PPP1CC: variants seen among roughly 807,000 people sequenced by gnomAD.
PPP1CC encodes serine/threonine-protein phosphatase PP1-gamma catalytic subunit.
In PPP1CC, 16 loss-of-function variants were observed where a neutral mutation model predicts 38.4. The ratio of observed to expected loss-of-function variants is 0.42; its 90% CI spans 0.28 to 0.63. PPP1CC has a LOEUF of 0.63. Ranked by LOEUF, PPP1CC falls within the 30% of genes least tolerant of loss-of-function variation. The pLI, the probability that PPP1CC is intolerant of heterozygous loss-of-function variation, is 0.25. For synonymous variants in PPP1CC, 158 were observed against 136.0 expected, an observed-to-expected ratio of 1.16 and a Z score of -1.13; for missense variants, 170 against 391.3, an observed-to-expected ratio of 0.43 and a Z score of 4.77.
intron 1 of PPP1CC, among the ~76,000 whole-genome samples, chr12:110,735,295 T>C (rs1321508911): frequency 6.6e-6 from 1 of 152,098 alleles, no homozygotes; most frequent in Non-Finnish European, 1.5e-5. Context: ...ACTTATCCAC[T>C]AGGCACTGTA....
chr12:110,734,019 C>T (rs2069912778), intron 1 of PPP1CC, among the ~76,000 whole-genome samples: 1 of 152,206 alleles, frequency 6.6e-6, no homozygotes, highest in Non-Finnish European at 1.5e-5. Context: ...ACACTTCACC[C>T]TGGAGAAAAG....
At chr12:110,721,793 C>A (rs2069742055) in intron 6 of PPP1CC, 6 of 346,376 alleles carry the variant, frequency 1.7e-5, no homozygotes, top group Non-Finnish European at 2.6e-5. Context: ...ACACATAGCA[C>A]AAGGCACTCA....
At chr12:110,732,111 T>C (rs2069879490) in intron 1 of PPP1CC, 3 of 589,944 alleles carry the variant, frequency 5.1e-6, no homozygotes, top group East Asian at 5.7e-5. Context: ...GTAAGACTTC[T>C]TTTATAGTAT....
chr12:110,732,509 T>C (rs1187712676), intron 1 of PPP1CC: 1 of 152,378 alleles, frequency 6.6e-6, no homozygotes, highest in Non-Finnish European at 1.5e-5. Flanking sequence ...CTCCTGAGGA[T>C]CTCTGATTTA....
At chr12:110,712,666 A>T in the PPP1CC span, among the ~76,000 whole-genome samples, 3 of 112,292 alleles carry the variant, frequency 2.7e-5, no homozygotes, top group Middle Eastern at 5.5e-3. Flanking sequence ...AAAAAAAAAA[A>T]GGGGGGGCAC....
At chr12:110,714,338 T>C in the PPP1CC span, among the ~76,000 whole-genome samples, 1 of 151,966 alleles carries the variant, frequency 6.6e-6, no homozygotes, top group Non-Finnish European at 1.5e-5. Context: ...ATGGGGCAGA[T>C]CTGAAACCAA....
intron 1 of PPP1CC, among the ~76,000 whole-genome samples, chr12:110,741,235 G>T (rs2070014034): frequency 6.6e-6 from 1 of 151,830 alleles, no homozygotes; most frequent in Non-Finnish European, 1.5e-5. Context: ...AGAATGCACA[G>T]ATTAAGAAAA....
the PPP1CC span, among the ~76,000 whole-genome samples, chr12:110,714,670 G>A: frequency 6.6e-6 from 1 of 151,360 alleles, no homozygotes; most frequent in Non-Finnish European, 1.5e-5. Flanking sequence ...AGCTGGGTGT[G>A]TGGCACGCAC....
At chr12:110,730,866 C>G (rs2069863737) in intron 2 of PPP1CC, 107 bp from the exon 3 acceptor site, 2 of 712,478 alleles carry the variant, frequency 2.8e-6, no homozygotes, top group Non-Finnish European at 4.6e-6. Context: ...ATGGCATTGA[C>G]CTCTAGTAAT....
At chr12:110,708,707 G>A in the PPP1CC span, among the ~76,000 whole-genome samples, 1 of 151,948 alleles carries the variant, frequency 6.6e-6, no homozygotes, top group African/African-American at 2.4e-5. Context: ...AAATTAGCCG[G>A]GCATGGTGGC....
At chr12:110,719,349 G>A (rs2069713678), downstream of PPP1CC, among the ~76,000 whole-genome samples, 1 of 152,128 alleles carries the variant, frequency 6.6e-6, no homozygotes, top group African/African-American at 2.4e-5. Context: ...CCTTCAAAGA[G>A]TTCCTCGCTA....
At chr12:110,714,379 T>C in the PPP1CC span, among the ~76,000 whole-genome samples, 226 of 152,182 alleles carry the variant, frequency 1.5e-3, 2 homozygotes, top group African/African-American at 5.1e-3. Flanking sequence ...AAAATCCAGC[T>C]AACCCTGTGA....
the PPP1CC span, among the ~76,000 whole-genome samples, chr12:110,708,446 T>C: frequency 6.6e-6 from 1 of 152,316 alleles, no homozygotes; most frequent in Non-Finnish European, 1.5e-5. Flanking sequence ...ATTACAGTTA[T>C]TACCAATGGG....
intron 4 of PPP1CC, among the ~76,000 whole-genome samples, chr12:110,724,256 CA>C (rs1285470466): frequency 6.6e-6 from 1 of 150,988 alleles, no homozygotes; most frequent in Non-Finnish European, 1.5e-5. Context: ...AAAACAAAAA[CA>C]AAAAAAACCA....
chr12:110,736,072 CAAACAAACAAACAAACTCCGTCTCA>C (rs1321381654), intron 1 of PPP1CC, among the ~76,000 whole-genome samples: 1 of 151,222 alleles, frequency 6.6e-6, no homozygotes, highest in African/African-American at 2.4e-5. Flanking sequence ...TCAAAACAAA[CAAACAAACAAACAAACTCCGTCTCA>C]AAACAAACAA....
chr12:110,723,550 C>T (rs987058980), intron 4 of PPP1CC, among the ~76,000 whole-genome samples: 2 of 152,176 alleles, frequency 1.3e-5, no homozygotes, highest in African/African-American at 4.8e-5. Flanking sequence ...TGCTCTGTTG[C>T]CTAGGCTGGA....
chr12:110,720,342 A>C lies in PPP1CC; in HGVS notation c.*734T>G. The C allele has an allele frequency of 1.4e-6, 1 of 698,424 alleles. No individual in the cohort carries two copies. The highest frequency in any genetic ancestry group is 2.7e-5 in the East Asian group (1 of 36,790). The allele number at this position is 698,424 out of a possible 1,614,324, so 43.3% of individuals were successfully genotyped here. A position where few individuals can be genotyped will look rare whatever the true frequency, so the allele number is the denominator to read the frequency against. The stretch of plus-strand genomic sequence containing the variant: ...AAAACCTGTTTTTGAATCCCCAAGA[A>C]GGCAGCATGTGTATACAACCATACC... On this transcript the variant is annotated 3_prime_UTR_variant, in exon 7 of 7. Coordinates refer to ENST00000335007, the MANE Select transcript of PPP1CC (RefSeq NM_002710.4).
chr12:110,730,620 G>A lies in PPP1CC; in HGVS notation c.327C>T (p.Ala109=). 1.2e-6 allele frequency: 2 copies of A among 1,614,094 alleles called. No individual in the cohort carries two copies. Among genetic ancestry groups the A allele is most frequent in the Non-Finnish European group, 1.7e-6 (2 of 1,180,004 alleles). The part of the protein sequence containing the change: ...QSLETICLLL[A]YKIKYPENFF... ...AATTCTCAGGATATTTTATTTTGTA[G>A]GCCAGTAAGAGGCAGATCGTCTCCA... The change falls in exon 3 of 7, where the codon GCC becomes GCT. Residue 109 remains alanine, a synonymous_variant. Coordinates refer to ENST00000335007, the MANE Select transcript of PPP1CC (RefSeq NM_002710.4).
rs760338128 is a variant in PPP1CC, at chr12:110,731,873, G to T, written c.84C>A (p.Val28=). ...CTCTGATTTCATTCTCCTGAAGCTG[G>T]ACATTCTTACCAGGCTTGGACCCTC... ...EVRGSKPGKN[V]QLQENEIRGL... is the part of the protein sequence containing the mutation. The change falls in exon 2 of 7, where the codon GTC becomes GTA. Residue 28 remains valine, a synonymous_variant. Coordinates refer to ENST00000335007, the MANE Select transcript of PPP1CC (RefSeq NM_002710.4). The T allele has an allele frequency of 2.5e-6, 4 of 1,613,476 alleles. No individual in the cohort carries two copies. The East Asian group carries it at 8.9e-5, about 36-fold the overall frequency.
Sources: allele counts gnomAD v4.1 joint callset (sites outside exome capture counted in the v4.1 genomes callset), GRCh38; gene constraint gnomAD v4.1.1; transcripts MANE v1.5; gene names NCBI Gene and HGNC (gene_info 2026-07-23, HGNC 2026-07-21).